The following WARS2 variants were observed in gnomAD, a reference collection of about 807,000 sequenced individuals.
WARS2 encodes tryptophanyl tRNA synthetase 2, mitochondrial.
In WARS2, 28 loss-of-function variants were observed where a neutral mutation model predicts 36.5. The ratio of observed to expected loss-of-function variants is 0.77; its 90% CI spans 0.57 to 1.05. The LOEUF (loss-of-function observed/expected upper bound fraction) is 1.05. WARS2 is among the 50% of genes least tolerant of loss of function. WARS2 has a pLI of 0.00. For synonymous variants in WARS2, 174 were observed against 178.4 expected (o/e 0.98, Z 0.20); for missense variants, 435 against 456.8 (o/e 0.95, Z 0.44).
chr1:119,047,177 A>T (rs983919526), intron 2 of WARS2, among the ~76,000 whole-genome samples: 2 of 152,218 alleles, frequency 1.3e-5, no homozygotes, highest in Non-Finnish European at 2.9e-5. Flanking sequence ...CTAACCCTGG[A>T]TGTAGGCAAG....
chr1:119,079,515 C>T (rs989932951), intron 1 of WARS2, among the ~76,000 whole-genome samples: 2 of 152,036 alleles, frequency 1.3e-5, no homozygotes, highest in African/African-American at 4.8e-5. Flanking sequence ...TAGATTGTTT[C>T]GGGGAGAACT....
chr1:119,114,236 A>G (rs992528563), intron 1 of WARS2, among the ~76,000 whole-genome samples: 13 of 152,216 alleles, frequency 8.5e-5, no homozygotes, highest in African/African-American at 3.1e-4. Flanking sequence ...ATCTGAGAGC[A>G]GGTAAACGCT....
intron 2 of WARS2, among the ~76,000 whole-genome samples, chr1:119,051,950 G>C (rs1347309836): frequency 2.0e-5 from 3 of 151,662 alleles, no homozygotes; most frequent in Admixed American, 2.0e-4. Context: ...AGTAGAGACG[G>C]GGTTTCACCA....
intron 2 of WARS2, among the ~76,000 whole-genome samples, chr1:119,065,924 TG>T (rs1650805443): frequency 6.6e-6 from 1 of 152,178 alleles, no homozygotes; most frequent in Non-Finnish European, 1.5e-5. Context: ...TTAACCAATG[TG>T]ATTTTTAAAA....
chr1:119,045,574 G>C lies in WARS2; in HGVS notation c.429+8C>G. On this transcript the variant is annotated splice_region_variant and intron_variant, in intron 3 of 5. Transcript: ENST00000235521. ...TGTCTGTTTATTAATCAGATTACTG[G>C]CATTTACCTTCCACTGATGTAAATG... The C allele has an allele frequency of 6.3e-7, 1 of 1,583,100 alleles. No individual in the cohort carries two copies. The highest frequency in any genetic ancestry group is 1.1e-5 in the South Asian group (1 of 87,746).
At chr1:119,113,085 A>G (rs902736362) in intron 1 of WARS2, among the ~76,000 whole-genome samples, 4 of 152,204 alleles carry the variant, frequency 2.6e-5, no homozygotes, top group African/African-American at 9.6e-5. Context: ...TAGAGATTAG[A>G]ATGCTAAAAG....
Position 119,072,474 on chromosome 1 carries a change from T to C in WARS2, c.348+3876A>G, listed in dbSNP as rs895053146. Among the ~76,000 whole-genome samples, 3 of 152,112 alleles carry C rather than the reference T, an allele frequency of 2.0e-5. No homozygotes were observed. In the South Asian group the frequency reaches 6.2e-4, roughly 32 times the overall value. ...ACTTTATAGCAAACAGAAAACTTGA[T>C]CAATACATCAAAGGTGTGAAAAAAA... On this transcript the variant is annotated intron_variant, in intron 2 of 5. Transcript: ENST00000235521.
intron 5 of WARS2, 94 bp downstream of exon 5, chr1:119,034,001 T>G (rs1647667737): frequency 2.8e-6 from 3 of 1,059,074 alleles, no homozygotes; most frequent in Admixed American, 1.9e-5. Flanking sequence ...ACAAGAAAGC[T>G]GAGGTTAGTC....
intron 1 of WARS2, among the ~76,000 whole-genome samples, chr1:119,084,058 G>A (rs2101365948): frequency 6.8e-6 from 1 of 146,334 alleles, no homozygotes; most frequent in African/African-American, 2.5e-5. Flanking sequence ...GTGTCTCTCT[G>A]TTGCCCAGGC....
chr1:119,060,641 A>G (rs1050248084), intron 2 of WARS2, among the ~76,000 whole-genome samples: 1 of 152,218 alleles, frequency 6.6e-6, no homozygotes, highest in Non-Finnish European at 1.5e-5. Flanking sequence ...GCCTGAAGGC[A>G]TTGGAGAACA....
At chr1:119,085,233 C>T (rs6658479) in intron 1 of WARS2, 363,272 of 856,180 alleles carry the variant, frequency 0.42, 80,604 homozygotes, top group African/African-American at 0.66. Context: ...CTTGGGTTTC[C>T]CCTTCTTCAG....
intron 1 of WARS2, among the ~76,000 whole-genome samples, chr1:119,108,140 C>A (rs1654373717): frequency 1.3e-5 from 2 of 151,844 alleles, no homozygotes; most frequent in South Asian, 4.2e-4. Context: ...ATAATTTTCT[C>A]TTCTTGTAAT....
chr1:119,077,705 C>T (rs1353123721), intron 1 of WARS2, among the ~76,000 whole-genome samples: 1 of 151,638 alleles, frequency 6.6e-6, no homozygotes, highest in Non-Finnish European at 1.5e-5. Context: ...CATATTTTCC[C>T]TTTGGTTTGT....
At chr1:119,103,781 T>G (rs1159239666) in intron 1 of WARS2, among the ~76,000 whole-genome samples, 1 of 151,934 alleles carries the variant, frequency 6.6e-6, no homozygotes, top group Admixed American at 6.6e-5. Flanking sequence ...TATAACTTTA[T>G]TTAAAAATAT....
At chr1:119,078,098 T>C (rs587599045) in intron 1 of WARS2, among the ~76,000 whole-genome samples, 1 of 152,316 alleles carries the variant, frequency 6.6e-6, no homozygotes, top group Admixed American at 6.5e-5. Context: ...TTGCCCATGG[T>C]CACACAGCTA....
At chr1:119,089,017 C>T (rs1652862254) in intron 1 of WARS2, among the ~76,000 whole-genome samples, 1 of 152,164 alleles carries the variant, frequency 6.6e-6, no homozygotes, top group Admixed American at 6.5e-5. Context: ...ATCATGTGGC[C>T]TTGGCTAAGT....
chr1:119,140,450 G>GTT (rs1656877269), intron 1 of WARS2, 105 bp downstream of exon 1: 1 of 1,044,830 alleles, frequency 9.6e-7, no homozygotes, highest in Non-Finnish European at 1.4e-6. Flanking sequence ...GGGAAGGCAT[G>GTT]TACTTTCCCT....
intron 1 of WARS2, among the ~76,000 whole-genome samples, chr1:119,117,750 G>T (rs587712062): frequency 1.2e-4 from 19 of 152,282 alleles, no homozygotes; most frequent in Non-Finnish European, 2.2e-4. Flanking sequence ...AACTGAAGAT[G>T]GGTCACATCA....
At chr1:119,140,664 T>G, upstream of WARS2, 1 of 1,606,296 alleles carries the variant, frequency 6.2e-7, no homozygotes, top group Non-Finnish European at 8.5e-7. Flanking sequence ...GGCGGAGCCG[T>G]CTTGTTTGGA....
Sources: allele counts gnomAD v4.1 joint callset (sites outside exome capture counted in the v4.1 genomes callset), GRCh38; gene constraint gnomAD v4.1.1; transcripts MANE v1.5; gene names NCBI Gene and HGNC (gene_info 2026-07-23, HGNC 2026-07-21).